The following OCA2 variants were observed in gnomAD, a reference collection of about 807,000 sequenced individuals.
OCA2 encodes OCA2 melanosomal transmembrane protein, also known as P protein.
Under a neutral mutation model 100.2 loss-of-function variants are expected in OCA2, and 77 were observed. The observed-to-expected ratio is 0.77, with a 90% CI of 0.64 to 0.93. The LOEUF (loss-of-function observed/expected upper bound fraction) is 0.93, where lower values mean the gene tolerates loss of function less well. Among genes scored for constraint, OCA2 ranks in the 40% least tolerant of loss-of-function variants. The pLI, the probability that OCA2 is intolerant of heterozygous loss-of-function variation, is 0.00. For synonymous variants in OCA2, 432 were observed against 439.2 expected (o/e 0.98, Z 0.21); for missense variants, 1,062 against 1,089.1 (o/e 0.98, Z 0.35).
intron 19 of OCA2, among the ~76,000 whole-genome samples, chr15:27,904,151 C>T (rs1170783166): frequency 6.6e-6 from 1 of 152,132 alleles, no homozygotes; most frequent in Admixed American, 6.5e-5. Context: ...GTGGAGATAC[C>T]GTCCTGCCGG....
At chr15:28,034,055 G>A (rs2042981581) in intron 2 of OCA2, among the ~76,000 whole-genome samples, 1 of 152,172 alleles carries the variant, frequency 6.6e-6, no homozygotes, top group Admixed American at 6.5e-5. Context: ...CCAGCAAGGT[G>A]GGAGGATTGA....
chr15:27,998,925 C>T (rs1290701923), intron 9 of OCA2, among the ~76,000 whole-genome samples: 1 of 151,246 alleles, frequency 6.6e-6, no homozygotes, highest in East Asian at 1.9e-4. Context: ...TGGAAATCAT[C>T]ATTCTCAGTA....
intron 23 of OCA2, among the ~76,000 whole-genome samples, chr15:27,790,041 A>C (rs969734632): frequency 5.9e-5 from 9 of 152,228 alleles, no homozygotes; most frequent in Non-Finnish European, 1.0e-4. Flanking sequence ...AAAGATGACA[A>C]AGGACTTAAT....
chr15:27,771,386 TAA>T (rs35814221), intron 23 of OCA2, among the ~76,000 whole-genome samples: 15 of 131,622 alleles, frequency 1.1e-4, no homozygotes, highest in Middle Eastern at 4.2e-3. Context: ...GAGAGAAGCC[TAA>T]AAAAAAAAAA....
At chr15:27,896,347 A>C in intron 19 of OCA2, 1 of 786,668 alleles carries the variant, frequency 1.3e-6, no homozygotes, top group South Asian at 1.3e-5. Context: ...GAAGATGCTT[A>C]CCAGAAACAG....
Position 28,027,894 on chromosome 15 carries a change from G to A in OCA2, c.492C>T (p.Ile164=), listed in dbSNP as rs2042802209. 6.2e-7 allele frequency: 1 copy of A among 1,613,562 alleles called. No homozygotes were observed. Among genetic ancestry groups the A allele is most frequent in the African/African-American group, 1.3e-5 (1 of 75,038 alleles). The part of the protein sequence containing the change: ...EKGDLLDSPH[I]RLRLSKLRRC... ...ACCTCAGCTTGGAAAGACGGAGTCG[G>A]ATGTGCGGGCTGTCCAGAAGGTCTC... Residue 164 remains isoleucine, a synonymous_variant, in exon 4 of 24, where the codon ATC becomes ATT. Transcript: ENST00000354638.
chr15:27,770,909 T>TCCC (rs1566949345), intron 23 of OCA2, among the ~76,000 whole-genome samples: 2 of 34,958 alleles, frequency 5.7e-5, no homozygotes, highest in African/African-American at 9.8e-5. Flanking sequence ...TTTCCTTCCT[T>TCCC]CCCTCCTCCC....
chr15:27,830,688 T>C (rs2151311332), intron 23 of OCA2, among the ~76,000 whole-genome samples: 1 of 152,274 alleles, frequency 6.6e-6, no homozygotes, highest in South Asian at 2.1e-4. Flanking sequence ...AGGGGAGATT[T>C]GATCACAGAT....
rs569995309 is a variant in OCA2 at position 27,839,448 on chromosome 15, G to A, written c.2432+5511C>T. ...TTGATTCACAAAGCAAGTCCCAACA[G>A]TCTATATGAGACACACCTAAAACAA... is the stretch of plus-strand genomic sequence containing the variant. On this transcript the variant is annotated intron_variant, in intron 23 of 23. Coordinates refer to ENST00000354638, the MANE Select transcript of OCA2 (RefSeq NM_000275.3). Among the ~76,000 whole-genome samples, 5 of 152,312 alleles carry A rather than the reference G, an allele frequency of 3.3e-5. No individual in the cohort carries two copies. The South Asian group carries it at 1.0e-3, about 32-fold the overall frequency.
At chr15:27,940,610 G>A (rs2039614675) in intron 18 of OCA2, among the ~76,000 whole-genome samples, 1 of 152,178 alleles carries the variant, frequency 6.6e-6, no homozygotes, top group Non-Finnish European at 1.5e-5. Context: ...CAGGGCCAGT[G>A]TTTCACTCAG....
chr15:28,048,007 A>G (rs958849519), intron 2 of OCA2, among the ~76,000 whole-genome samples: 2 of 152,210 alleles, frequency 1.3e-5, no homozygotes, highest in Admixed American at 1.3e-4. Context: ...TTAAGAAAAC[A>G]ATTCCATTTA....
intron 9 of OCA2, among the ~76,000 whole-genome samples, chr15:27,998,244 C>T (rs2041812263): frequency 1.1e-5 from 1 of 88,078 alleles, no homozygotes; most frequent in Admixed American, 1.0e-4. Flanking sequence ...AAGAAACTAC[C>T]ATCAGAGTGA....
At chr15:27,923,368 A>G (rs555795357) in intron 19 of OCA2, among the ~76,000 whole-genome samples, 1 of 152,330 alleles carries the variant, frequency 6.6e-6, no homozygotes, top group East Asian at 1.9e-4. Flanking sequence ...ATATATACCC[A>G]GTAATGGGAT....
chr15:28,011,836 C>G (rs576530096), intron 9 of OCA2, among the ~76,000 whole-genome samples: 1 of 151,242 alleles, frequency 6.6e-6, no homozygotes, highest in Non-Finnish European at 1.5e-5. Flanking sequence ...GAGAATCACT[C>G]GAACCCAGGA....
intron 23 of OCA2, among the ~76,000 whole-genome samples, chr15:27,813,393 C>T (rs1212089889): frequency 6.6e-6 from 1 of 152,148 alleles, no homozygotes; most frequent in Non-Finnish European, 1.5e-5. Context: ...TATACACAGG[C>T]ACACATATGC....
At chr15:27,989,089 T>TG (rs1335229862) in intron 11 of OCA2, among the ~76,000 whole-genome samples, 4 of 152,160 alleles carry the variant, frequency 2.6e-5, no homozygotes, top group Non-Finnish European at 5.9e-5. Context: ...CTAGTTAAGC[T>TG]GGGTTAGGAC....
At chr15:28,001,792 T>C (rs754882389) in intron 9 of OCA2, among the ~76,000 whole-genome samples, 24 of 152,150 alleles carry the variant, frequency 1.6e-4, no homozygotes, top group Non-Finnish European at 2.4e-4. Flanking sequence ...GAGGACAGCA[T>C]GCACCTCAGC....
chr15:27,996,054 G>A (rs1285758426), intron 9 of OCA2, among the ~76,000 whole-genome samples: 4 of 152,000 alleles, frequency 2.6e-5, no homozygotes, highest in African/African-American at 9.7e-5. Flanking sequence ...CTCATGATCC[G>A]CCCACCTCAG....
At chr15:28,020,679 A>T (rs750128346) in intron 6 of OCA2, among the ~76,000 whole-genome samples, 11 of 152,208 alleles carry the variant, frequency 7.2e-5, no homozygotes, top group Non-Finnish European at 1.3e-4. Context: ...TCTCACATGG[A>T]GATACTTTAC....
Sources: gnomAD v4.1 joint callset for allele counts (sites outside exome capture counted in the v4.1 genomes callset) on GRCh38, gnomAD v4.1.1 for gene constraint, MANE v1.5 for transcripts, NCBI Gene and HGNC (gene_info 2026-07-23, HGNC 2026-07-21) for gene names.